The following TRAPPC9 variants were observed in gnomAD, a reference collection of about 807,000 sequenced individuals.
TRAPPC9 encodes the protein IKK2 binding protein.
Under a neutral mutation model 124.0 loss-of-function variants are expected in TRAPPC9, and 83 were observed. The ratio of observed to expected loss-of-function variants is 0.67; its 90% CI spans 0.56 to 0.80. The LOEUF (loss-of-function observed/expected upper bound fraction) is 0.80, where lower values mean the gene tolerates loss of function less well. Ranked by LOEUF, TRAPPC9 falls within the 30% of genes least tolerant of loss-of-function variation. TRAPPC9 has a pLI of 0.00. For missense variants in TRAPPC9, 1,302 were observed against 1,508.3 expected (o/e 0.86, Z 2.27); for synonymous variants, 638 against 617.5 (o/e 1.03, Z -0.49).
intron 19 of TRAPPC9, among the ~76,000 whole-genome samples, chr8:139,977,759 T>G (rs1836583578): frequency 6.6e-6 from 1 of 151,788 alleles, no homozygotes; most frequent in African/African-American, 2.4e-5. Context: ...CAGCTCACTG[T>G]AGCCTCCGTC....
At chr8:140,407,429 G>C (rs2069533605) in intron 5 of TRAPPC9, among the ~76,000 whole-genome samples, 1 of 151,730 alleles carries the variant, frequency 6.6e-6, no homozygotes, top group Non-Finnish European at 1.5e-5. Flanking sequence ...TGGTGGGGGG[G>C]GGCGGGTCAG....
intron 2 of TRAPPC9, among the ~76,000 whole-genome samples, chr8:140,446,545 G>A (rs989530859): frequency 2.0e-5 from 3 of 152,090 alleles, no homozygotes; most frequent in African/African-American, 7.2e-5. Flanking sequence ...CAAAAGACTG[G>A]TGTGGGTTTT....
chr8:140,439,955 G>A (rs1423140815), intron 2 of TRAPPC9, among the ~76,000 whole-genome samples: 2 of 152,112 alleles, frequency 1.3e-5, no homozygotes, highest in East Asian at 1.9e-4. Context: ...AAATCCAGAA[G>A]ATGTGACGTT....
At chr8:140,137,087 G>T (rs1164291182) in intron 17 of TRAPPC9, among the ~76,000 whole-genome samples, 1 of 152,170 alleles carries the variant, frequency 6.6e-6, no homozygotes, top group Non-Finnish European at 1.5e-5. Context: ...TCAGGAAAAA[G>T]CGGGGAGAGG....
intron 2 of TRAPPC9, among the ~76,000 whole-genome samples, chr8:140,440,462 A>T (rs1433743272): frequency 6.6e-6 from 1 of 151,936 alleles, no homozygotes; most frequent in East Asian, 1.9e-4. Context: ...AGCCGAGATC[A>T]TGCCACTGCA....
intron 21 of TRAPPC9, among the ~76,000 whole-genome samples, chr8:139,879,448 C>T (rs1260308821): frequency 6.6e-6 from 1 of 152,192 alleles, no homozygotes; most frequent in African/African-American, 2.4e-5. Context: ...ACCACCACAC[C>T]GTGGCTGGCT....
intron 9 of TRAPPC9, among the ~76,000 whole-genome samples, chr8:140,347,252 T>G (rs1436303721): frequency 1.3e-5 from 2 of 152,114 alleles, no homozygotes; most frequent in African/African-American, 4.8e-5. Context: ...TTCCCTCCCT[T>G]CACATCCGCC....
chr8:139,734,991 C>G (rs570326944), intron 21 of TRAPPC9, among the ~76,000 whole-genome samples: 3 of 152,224 alleles, frequency 2.0e-5, no homozygotes, highest in African/African-American at 7.2e-5. Flanking sequence ...TGAGTCTGAC[C>G]AGGCTGGGAT....
At chr8:139,962,742 T>G (rs1835422498) in intron 19 of TRAPPC9, among the ~76,000 whole-genome samples, 2 of 123,526 alleles carry the variant, frequency 1.6e-5, no homozygotes, top group East Asian at 2.2e-4. Flanking sequence ...CAGAGCTCCC[T>G]CCCCTGTCAG....
In TRAPPC9 at chr8:139,838,019, G is replaced by A. The variant is rs77248535; in HGVS notation, c.3055+47860C>T. Among the ~76,000 whole-genome samples, 637 of 152,224 alleles carry A rather than the reference G, an allele frequency of 4.2e-3. 8 individuals carry two copies. The highest frequency in any genetic ancestry group is 0.015 in the African/African-American group (621 of 41,522). On this transcript the variant is annotated intron_variant, in intron 21 of 22. Transcript: ENST00000438773. ...TCTGATCACACCACCCAAAGCCTTC[G>A]ACGCCCCTGCTTCCAGGACAGAGTC...
At chr8:140,180,316 T>G (rs2062168923) in intron 17 of TRAPPC9, among the ~76,000 whole-genome samples, 2 of 152,030 alleles carry the variant, frequency 1.3e-5, no homozygotes, top group Non-Finnish European at 2.9e-5. Context: ...TTACATATAA[T>G]GTAAGAATCT....
chr8:139,833,835 T>G (rs1027222212), intron 21 of TRAPPC9, among the ~76,000 whole-genome samples: 1 of 152,122 alleles, frequency 6.6e-6, no homozygotes, highest in Non-Finnish European at 1.5e-5. Context: ...GGGAATGAAC[T>G]TGAGTGTGGG....
chr8:140,210,991 C>T (rs981327653), intron 17 of TRAPPC9, among the ~76,000 whole-genome samples: 2 of 151,860 alleles, frequency 1.3e-5, no homozygotes, highest in East Asian at 3.9e-4. Flanking sequence ...AGAAGCAATG[C>T]TATTTGTTGT....
chr8:140,370,904 A>C (rs1588232733), intron 8 of TRAPPC9, 60 bp downstream of exon 8: 10 of 1,590,914 alleles, frequency 6.3e-6, no homozygotes, highest in African/African-American at 2.7e-5. Context: ...AGGGGCTGAA[A>C]CAGCATGTGA....
chr8:140,054,297 C>T (rs1842175852), intron 17 of TRAPPC9, among the ~76,000 whole-genome samples: 1 of 152,156 alleles, frequency 6.6e-6, no homozygotes, highest in Non-Finnish European at 1.5e-5. Flanking sequence ...CAAACCTGCA[C>T]ATGTATCTCC....
intron 17 of TRAPPC9, among the ~76,000 whole-genome samples, chr8:140,056,124 G>C (rs566764410): frequency 2.0e-5 from 3 of 152,012 alleles, no homozygotes; most frequent in African/African-American, 4.8e-5. Context: ...AAAACAGCAT[G>C]GTAGCCAGGC....
chr8:140,320,145 T>TGGTA (rs2131936522), intron 9 of TRAPPC9, among the ~76,000 whole-genome samples: 1 of 152,356 alleles, frequency 6.6e-6, no homozygotes, highest in East Asian at 1.9e-4. Context: ...CAATCGATTC[T>TGGTA]GGTACTTTCA....
At position 140,311,348 on chromosome 8, in the gene TRAPPC9, C is replaced by G. The variant is rs2066293461; in HGVS notation, c.1522G>C (p.Glu508Gln). ...CCAGGACACTTGGACGTATAGTTCT[C>G]TAGGCTTTGGGCCACATCTTTCTTT... ...QEKKDVAQSL[E>Q]NYTSKCPGTM... is the part of the protein sequence containing the mutation. Residue 508 changes from glutamate to glutamine, a missense_variant, in exon 10 of 23, where the codon GAG (glutamate) becomes CAG (glutamine). This residue lies in a region of TRAPPC9 where 657 missense variants were observed against 811.2 expected (regional missense o/e 0.81). Transcript: ENST00000438773. The G allele has an allele frequency of 3.1e-6, 5 of 1,613,974 alleles. No homozygotes were observed. The East Asian group carries it at 1.1e-4, about 36-fold the overall frequency.
At chr8:139,888,256 G>C (rs139270900) in intron 20 of TRAPPC9, among the ~76,000 whole-genome samples, 1 of 152,184 alleles carries the variant, frequency 6.6e-6, no homozygotes, top group African/African-American at 2.4e-5. Flanking sequence ...TCTTCTCTTC[G>C]TGGAGCTTGG....
Sources: allele counts gnomAD v4.1 joint callset (sites outside exome capture counted in the v4.1 genomes callset), GRCh38; gene constraint gnomAD v4.1.1; regional missense constraint gnomAD v4.1.1; transcripts MANE v1.5; gene names NCBI Gene and HGNC (gene_info 2026-07-23, HGNC 2026-07-21).